Variants in FER observed in about 807,000 individuals in gnomAD.
FER encodes FER tyrosine kinase.
A neutral mutation model predicts 111.0 loss-of-function variants in FER; 63 were observed. The ratio of observed to expected loss-of-function variants is 0.57; its 90% CI spans 0.46 to 0.70. The LOEUF (loss-of-function observed/expected upper bound fraction) is 0.70, where lower values mean the gene tolerates loss of function less well. Among genes scored for constraint, FER ranks in the 30% least tolerant of loss-of-function variants. The probability of loss-of-function intolerance (pLI) is 0.00; values close to 1 mark genes in which losing one functional copy is unlikely to be tolerated. For missense variants in FER, 914 were observed against 954.0 expected, an observed-to-expected ratio of 0.96 and a Z score of 0.55; for synonymous variants, 327 against 313.9, an observed-to-expected ratio of 1.04 and a Z score of -0.44.
At chr5:108,966,388 C>CTTTTTTT (rs34899054) in intron 13 of FER, among the ~76,000 whole-genome samples, 1 of 124,980 alleles carries the variant, frequency 8.0e-6, no homozygotes, top group Admixed American at 8.1e-5. Flanking sequence ...TTTTTCTTTT[C>CTTTTTTT]TTTTTTTTTT....
rs550532326 is a variant in FER at position 109,015,510 on chromosome 5, C to T, written c.1657-21912C>T. 2.6e-5 allele frequency among the ~76,000 whole-genome samples: 4 copies of T among 151,942 alleles called. No homozygotes were observed. The East Asian group carries it at 7.7e-4, about 29-fold the overall frequency. Reference sequence around the variant, plus strand: ...CTTCTTGATACACTCTGGAGCTATACTGGTGACTGAGACATAGCCTTTTCC... The same window carrying T: ...CTTCTTGATACACTCTGGAGCTATATTGGTGACTGAGACATAGCCTTTTCC... On this transcript the variant is annotated intron_variant, in intron 13 of 19. Transcript: ENST00000281092.
intron 10 of FER, among the ~76,000 whole-genome samples, chr5:108,901,295 G>A (rs1232658632): frequency 2.0e-5 from 3 of 151,914 alleles, no homozygotes; most frequent in African/African-American, 7.3e-5. Flanking sequence ...TGCTAGATAA[G>A]TATGATGAAT....
intron 13 of FER, among the ~76,000 whole-genome samples, chr5:108,968,887 C>A (rs985964197): frequency 1.3e-5 from 2 of 151,898 alleles, no homozygotes; most frequent in Non-Finnish European, 2.9e-5. Flanking sequence ...GGATATGGGG[C>A]TACTTTAGAA....
chr5:108,930,905 C>T (rs934891701), intron 10 of FER, among the ~76,000 whole-genome samples: 1 of 151,948 alleles, frequency 6.6e-6, no homozygotes, highest in Non-Finnish European at 1.5e-5. Context: ...TGAGCCAACG[C>T]CCCTGGCCCA....
intron 17 of FER, among the ~76,000 whole-genome samples, chr5:109,152,325 T>C (rs1408055789): frequency 1.3e-5 from 2 of 152,038 alleles, no homozygotes; most frequent in Non-Finnish European, 2.9e-5. Context: ...CATATAGTTA[T>C]CTAATTTGTG....
At chr5:108,867,667 G>A (rs1764202724) in intron 5 of FER, 100 bp from the exon 6 acceptor site, 1 of 1,187,074 alleles carries the variant, frequency 8.4e-7, no homozygotes, top group Non-Finnish European at 1.2e-6. Flanking sequence ...AAAAATGCGT[G>A]AAATAACATA....
At chr5:108,939,399 C>A (rs1755951214) in intron 10 of FER, among the ~76,000 whole-genome samples, 1 of 151,982 alleles carries the variant, frequency 6.6e-6, no homozygotes, top group African/African-American at 2.4e-5. Context: ...TAGTTCTATA[C>A]AATAGTTACC....
At chr5:109,085,788 T>C (rs1388074837) in intron 16 of FER, among the ~76,000 whole-genome samples, 1 of 151,826 alleles carries the variant, frequency 6.6e-6, no homozygotes, top group Non-Finnish European at 1.5e-5. Flanking sequence ...TGTTTAATGC[T>C]TTCCTGTATC....
Position 109,190,268 on chromosome 5 carries a change from T to A in FER, c.*2693T>A, listed in dbSNP as rs1759285753. ...CAGAAATGTACAAAATCCTGTGATT[T>A]GTTTAGTAAGAAAAGAGTTGTAACC... On this transcript the variant is annotated 3_prime_UTR_variant, in exon 20 of 20. Transcript: ENST00000281092. 1 of 152,066 alleles carries A rather than the reference T, an allele frequency of 6.6e-6. No homozygotes were observed. Among genetic ancestry groups the A allele is most frequent in the African/African-American group, 2.4e-5 (1 of 41,402 alleles). The allele number at this position is 152,066 out of a possible 1,614,324, so 9.4% of individuals were successfully genotyped here.
At chr5:109,082,574 T>G (rs1777114349) in intron 16 of FER, among the ~76,000 whole-genome samples, 1 of 151,968 alleles carries the variant, frequency 6.6e-6, no homozygotes, top group Non-Finnish European at 1.5e-5. Flanking sequence ...CTATTAAACA[T>G]ACGAAAGACA....
chr5:109,062,943 T>G (rs896852756), intron 16 of FER, among the ~76,000 whole-genome samples: 8 of 152,188 alleles, frequency 5.3e-5, no homozygotes, highest in Non-Finnish European at 8.8e-5. Flanking sequence ...TTTGGAACTT[T>G]TAGAATTTTT....
chr5:108,791,884 T>C (rs1305553243), intron 2 of FER, among the ~76,000 whole-genome samples: 1 of 152,220 alleles, frequency 6.6e-6, no homozygotes, highest in Non-Finnish European at 1.5e-5. Context: ...GCATCCTGCT[T>C]CATTGTTTTG....
chr5:108,930,874 A>C (rs1258568498), intron 10 of FER, among the ~76,000 whole-genome samples: 1 of 151,782 alleles, frequency 6.6e-6, no homozygotes, highest in Non-Finnish European at 1.5e-5. Flanking sequence ...TTGGCCTCCC[A>C]AAGTGTTGAG....
chr5:109,106,189 C>T (rs755756111), intron 17 of FER, among the ~76,000 whole-genome samples: 47 of 152,362 alleles, frequency 3.1e-4, no homozygotes, highest in Admixed American at 3.9e-4. Context: ...TTATATTTAA[C>T]ATCTGCACTC....
chr5:109,162,866 C>T (rs1389364795), intron 17 of FER, among the ~76,000 whole-genome samples: 2 of 151,816 alleles, frequency 1.3e-5, no homozygotes, highest in Non-Finnish European at 2.9e-5. Flanking sequence ...ACCTTTATTG[C>T]ACTATAAATA....
intron 14 of FER, among the ~76,000 whole-genome samples, chr5:109,038,628 CAT>C (rs1770730071): frequency 6.6e-6 from 1 of 151,876 alleles, no homozygotes; most frequent in Admixed American, 6.6e-5. Flanking sequence ...AGCAGTGACT[CAT>C]ATGTTATTTC....
chr5:109,086,225 T>A (rs949718395), intron 16 of FER, among the ~76,000 whole-genome samples: 2 of 151,772 alleles, frequency 1.3e-5, no homozygotes, highest in Non-Finnish European at 3.0e-5. Context: ...ATGGGCTATT[T>A]AAATTTTTTT....
chr5:108,936,547 T>C (rs1237738801), intron 10 of FER, among the ~76,000 whole-genome samples: 1 of 151,978 alleles, frequency 6.6e-6, no homozygotes, highest in African/African-American at 2.4e-5. Context: ...TGTACAACAA[T>C]TCTCATGGGT....
chr5:109,096,774 C>G (rs1242503992), intron 16 of FER, among the ~76,000 whole-genome samples: 1 of 151,656 alleles, frequency 6.6e-6, no homozygotes, highest in Non-Finnish European at 1.5e-5. Context: ...CAGGTTAAGT[C>G]AGGTTAATAC....
Sources: gnomAD v4.1 joint callset for allele counts (sites outside exome capture counted in the v4.1 genomes callset) on GRCh38, gnomAD v4.1.1 for gene constraint, MANE v1.5 for transcripts, NCBI Gene and HGNC (gene_info 2026-07-23, HGNC 2026-07-21) for gene names.